The following PNPT1 variants were observed in gnomAD, a reference collection of about 807,000 sequenced individuals.
PNPT1 encodes polyribonucleotide nucleotidyltransferase 1.
PNPT1 carries 53 observed loss-of-function variants against 119.5 expected under a neutral mutation model. The ratio of observed to expected loss-of-function variants is 0.44; its 90% confidence interval spans 0.36 to 0.56. The LOEUF (loss-of-function observed/expected upper bound fraction) is 0.56. PNPT1 is among the 20% of genes least tolerant of loss of function. The pLI is 0.00. For missense variants in PNPT1, 948 were observed against 938.5 expected (o/e 1.01, Z -0.13); for synonymous variants, 357 against 322.1 (o/e 1.11, Z -1.16).
At chr2:55,641,084 C>A (rs1695820680) in intron 25 of PNPT1, among the ~76,000 whole-genome samples, 1 of 151,740 alleles carries the variant, frequency 6.6e-6, no homozygotes, top group South Asian at 2.1e-4. Context: ...ATTAGCTGGG[C>A]CTGGTGGCGC....
At chr2:55,649,905 C>T (rs1696116484) in intron 18 of PNPT1, among the ~76,000 whole-genome samples, 1 of 152,162 alleles carries the variant, frequency 6.6e-6, no homozygotes, top group Non-Finnish European at 1.5e-5. Context: ...ATACAATAAT[C>T]AATGTCCTGT....
intron 7 of PNPT1, among the ~76,000 whole-genome samples, chr2:55,680,490 G>A (rs779791893): frequency 6.6e-6 from 1 of 151,216 alleles, no homozygotes; most frequent in Non-Finnish European, 1.5e-5. Flanking sequence ...AAATATCTAG[G>A]GACATAAAAT....
Position 55,638,925 on chromosome 2 carries a change from C to A in PNPT1, c.2149-1326G>T, listed in dbSNP as rs940747884. Reference sequence around the variant, plus strand: ...GAGTAGCTGGGATTACAGGTGCACGCCATCATGCCCAGCTAATTTTTTCTA... The same window carrying A: ...GAGTAGCTGGGATTACAGGTGCACGACATCATGCCCAGCTAATTTTTTCTA... On this transcript the variant is annotated intron_variant, in intron 26 of 27. Coordinates refer to ENST00000447944, the MANE Select transcript of PNPT1 (RefSeq NM_033109.5). Among the ~76,000 whole-genome samples the A allele has an allele frequency of 5.3e-5, 8 of 151,954 alleles. No homozygotes were observed. The East Asian group carries it at 1.6e-3, about 29-fold the overall frequency.
rs891974446 is a variant in PNPT1 at position 55,679,688 on chromosome 2, G to C, written c.673C>G (p.Gln225Glu). The C allele has an allele frequency of 6.9e-6, 11 of 1,600,088 alleles. No individual in the cohort carries two copies. Among genetic ancestry groups the C allele is most frequent in the African/African-American group, 1.3e-5 (1 of 74,608 alleles). ...GGTATTTAAAACAACTTACCAATCT[G>C]ACTTTTAGGTGCTCCAGCAACCACT... Reference protein sequence around the residue: ...NLVVAGAPKSQIVMLEASAEN... With the variant: ...NLVVAGAPKSEIVMLEASAEN... Residue 225 changes from glutamine to glutamate, a missense_variant, in exon 8 of 28, where the codon CAG (glutamine) becomes GAG (glutamate). Physicochemically the swap from Gln to Glu is conservative, Grantham distance 29 (BLOSUM62 2). Transcript: ENST00000447944.
intron 14 of PNPT1, among the ~76,000 whole-genome samples, chr2:55,660,715 A>T (rs1466881283): frequency 6.6e-6 from 1 of 152,234 alleles, no homozygotes. Context: ...TCACTGGCCC[A>T]GTTCATTTGA....
intron 1 of PNPT1, among the ~76,000 whole-genome samples, chr2:55,692,720 T>C (rs1043122680): frequency 1.3e-5 from 2 of 152,182 alleles, no homozygotes; most frequent in Non-Finnish European, 2.9e-5. Context: ...GCGAGGATCA[T>C]ATAACTGGCG....
intron 1 of PNPT1, among the ~76,000 whole-genome samples, chr2:55,688,010 G>C (rs916808151): frequency 6.6e-6 from 1 of 151,802 alleles, no homozygotes; most frequent in Non-Finnish European, 1.5e-5. Flanking sequence ...TTTTGAGGTG[G>C]GGGGTGGTCT....
chr2:55,642,632 A>T (rs77894951), intron 25 of PNPT1, among the ~76,000 whole-genome samples: 2 of 150,302 alleles, frequency 1.3e-5, no homozygotes, highest in African/African-American at 4.9e-5. Context: ...AAAAAAAAGA[A>T]TTCAGTTAAG....
chr2:55,639,410 T>A (rs1158638007), intron 26 of PNPT1, among the ~76,000 whole-genome samples: 1 of 152,172 alleles, frequency 6.6e-6, no homozygotes, highest in African/African-American at 2.4e-5. Context: ...TCTAAAAAGT[T>A]TGTCCCAATT....
intron 14 of PNPT1, among the ~76,000 whole-genome samples, chr2:55,661,390 C>G (rs192892770): frequency 1.3e-5 from 2 of 151,904 alleles, no homozygotes; most frequent in South Asian, 2.1e-4. Flanking sequence ...CCACCACGCC[C>G]GGCCTGCAAT....
At chr2:55,685,516 G>A (rs1013363732) in intron 3 of PNPT1, among the ~76,000 whole-genome samples, 1 of 151,154 alleles carries the variant, frequency 6.6e-6, no homozygotes, top group African/African-American at 2.4e-5. Flanking sequence ...GGGTGACAGA[G>A]CAAGACCCTG....
intron 14 of PNPT1, 41 bp downstream of exon 14, chr2:55,661,915 A>G (rs747434749): frequency 1.4e-6 from 2 of 1,476,616 alleles, no homozygotes; most frequent in Non-Finnish European, 1.8e-6. Context: ...ATATAATAGA[A>G]CATCATAAAA....
At chr2:55,669,617 A>C (rs1286602356) in intron 11 of PNPT1, among the ~76,000 whole-genome samples, 1 of 152,242 alleles carries the variant, frequency 6.6e-6, no homozygotes, top group Admixed American at 6.5e-5. Flanking sequence ...GTATAATACA[A>C]ACAAAAAGTC....
chr2:55,692,530 C>T (rs1035533328), intron 1 of PNPT1, among the ~76,000 whole-genome samples: 10 of 151,606 alleles, frequency 6.6e-5, no homozygotes, highest in African/African-American at 1.2e-4. Flanking sequence ...TTTTAAAAAG[C>T]GGTCCCCTAA....
At chr2:55,647,914 C>T (rs563591790) in intron 18 of PNPT1, among the ~76,000 whole-genome samples, 1 of 152,280 alleles carries the variant, frequency 6.6e-6, no homozygotes, top group South Asian at 2.1e-4. Flanking sequence ...CTGACTACTT[C>T]GTTTGTTTTT....
intron 13 of PNPT1, among the ~76,000 whole-genome samples, chr2:55,662,890 TTTTTTTTG>T (rs1175341896): frequency 3.4e-5 from 5 of 148,588 alleles, no homozygotes; most frequent in African/African-American, 1.2e-4. Context: ...ATTTTTTTTT[TTTTTTTTG>T]GAGACGGAAT....
intron 8 of PNPT1, among the ~76,000 whole-genome samples, chr2:55,678,508 G>A (rs1417473577): frequency 6.6e-6 from 1 of 152,210 alleles, no homozygotes; most frequent in Non-Finnish European, 1.5e-5. Context: ...TTACTCAACT[G>A]CCACACACCT....
Position 55,680,908 on chromosome 2 carries a change from T to C in PNPT1, c.464A>G (p.Asn155Ser), listed in dbSNP as rs749022769. 25 of 1,613,698 alleles carry C rather than the reference T, an allele frequency of 1.5e-5. No individual in the cohort carries two copies. Among genetic ancestry groups the C allele is most frequent in the Non-Finnish European group, 8.5e-7 (1 of 1,179,852 alleles). Residue 155 changes from asparagine (N) to serine (S), a missense_variant, in exon 6 of 28, where the codon AAT becomes AGT. Asn to Ser is a conservative substitution (Grantham distance 46). Transcript: ENST00000447944. ...GYFYDTQVLC[N>S]LLAVDGVNEP... The stretch of plus-strand genomic sequence containing the variant: ...ATTTACACCATCTACTGCTAACAGA[T>C]TACACAGAACCTGGTAAAAGGGAAA...
intron 8 of PNPT1, among the ~76,000 whole-genome samples, chr2:55,678,787 A>G (rs1428713842): frequency 6.6e-6 from 1 of 152,196 alleles, no homozygotes; most frequent in Non-Finnish European, 1.5e-5. Flanking sequence ...CACAACCCCC[A>G]ACTAATATGT....
Sources: allele counts gnomAD v4.1 joint callset (sites outside exome capture counted in the v4.1 genomes callset), GRCh38; gene constraint gnomAD v4.1.1; transcripts MANE v1.5; gene names NCBI Gene and HGNC (gene_info 2026-07-23, HGNC 2026-07-21).